The following QKI variants were observed in gnomAD, a reference collection of about 807,000 sequenced individuals.
QKI encodes QKI, KH domain containing RNA binding, also known as KH domain-containing RNA-binding protein QKI.
In QKI, 10 loss-of-function variants were observed where a neutral mutation model predicts 39.0. That is an observed-to-expected ratio of 0.26 (90% confidence interval 0.16 to 0.43). The LOEUF (loss-of-function observed/expected upper bound fraction) is 0.43, where lower values mean the gene tolerates loss of function less well. Among genes scored for constraint, QKI ranks in the 20% least tolerant of loss-of-function variants. The probability of loss-of-function intolerance (pLI) is 1.00; values close to 1 mark genes in which losing one functional copy is unlikely to be tolerated. For missense variants in QKI, 218 were observed against 428.0 expected (o/e 0.51, Z 4.33); for synonymous variants, 204 against 155.4 (o/e 1.31, Z -2.33).
intron 1 of QKI, among the ~76,000 whole-genome samples, chr6:163,415,671 G>A (rs1787395306): frequency 6.6e-6 from 1 of 151,850 alleles, no homozygotes; most frequent in Non-Finnish European, 1.5e-5. Flanking sequence ...GGGGCTGCGC[G>A]GACTCGGTGG....
At chr6:163,463,653 C>G (rs893346352) in intron 2 of QKI, among the ~76,000 whole-genome samples, 2 of 152,110 alleles carry the variant, frequency 1.3e-5, no homozygotes, top group Admixed American at 6.5e-5. Flanking sequence ...AAAACAAATT[C>G]ACGTGAGGAA....
intron 6 of QKI, chr6:163,566,501 T>C (rs1329777176): frequency 2.9e-6 from 4 of 1,370,372 alleles, no homozygotes; most frequent in South Asian, 3.1e-5. Context: ...ATGGATACAA[T>C]AGGTTAAGGC....
At chr6:163,473,786 C>A (rs554997900) in intron 2 of QKI, among the ~76,000 whole-genome samples, 53 of 152,148 alleles carry the variant, frequency 3.5e-4, no homozygotes, top group African/African-American at 1.2e-3. Context: ...ATATACAAGC[C>A]TATCTGGAGA....
chr6:163,479,402 C>T (rs567027154), intron 3 of QKI, among the ~76,000 whole-genome samples: 24 of 152,294 alleles, frequency 1.6e-4, no homozygotes, highest in Middle Eastern at 3.4e-3. Context: ...GACGGAGTCT[C>T]GCTATGTCAC....
intron 3 of QKI, among the ~76,000 whole-genome samples, chr6:163,515,673 A>G (rs1779746981): frequency 1.3e-5 from 2 of 152,188 alleles, no homozygotes; most frequent in Non-Finnish European, 2.9e-5. Flanking sequence ...TGTTACAACA[A>G]AAGGGAAACT....
intron 1 of QKI, among the ~76,000 whole-genome samples, chr6:163,451,929 G>A (rs1359575750): frequency 3.3e-5 from 5 of 152,138 alleles, no homozygotes; most frequent in South Asian, 2.1e-4. Context: ...CCTCCTGCTA[G>A]GATAACATTC....
intron 3 of QKI, among the ~76,000 whole-genome samples, chr6:163,491,418 C>G (rs1245018769): frequency 2.0e-5 from 3 of 152,138 alleles, no homozygotes; most frequent in Admixed American, 6.6e-5. Flanking sequence ...GGATTGTAAA[C>G]TAGCTCCCTG....
chr6:163,433,533 G>A (rs1562428258), intron 1 of QKI, among the ~76,000 whole-genome samples: 1 of 152,182 alleles, frequency 6.6e-6, no homozygotes, highest in Non-Finnish European at 1.5e-5. Context: ...TTGGGAGACC[G>A]AGGTGGGCAG....
At chr6:163,512,807 G>A (rs1399466094) in intron 3 of QKI, among the ~76,000 whole-genome samples, 1 of 152,068 alleles carries the variant, frequency 6.6e-6, no homozygotes. Flanking sequence ...TTTAATCATA[G>A]TGGAATCGAG....
chr6:163,498,976 C>T (rs747322594), intron 3 of QKI, among the ~76,000 whole-genome samples: 16 of 152,160 alleles, frequency 1.1e-4, no homozygotes, highest in Middle Eastern at 6.8e-3. Context: ...GATTCATGTG[C>T]ACATAGCCTG....
chr6:163,479,458 G>A (rs772157456), intron 3 of QKI, among the ~76,000 whole-genome samples: 12 of 152,042 alleles, frequency 7.9e-5, no homozygotes, highest in Non-Finnish European at 1.5e-4. Flanking sequence ...TGCAGCCTCC[G>A]CTTTCTGCAT....
intron 3 of QKI, among the ~76,000 whole-genome samples, chr6:163,519,915 G>A (rs964036627): frequency 1.3e-5 from 2 of 152,128 alleles, no homozygotes; most frequent in Non-Finnish European, 2.9e-5. Context: ...TAATTAAGGG[G>A]AAGTGGGCCA....
chr6:163,476,120 A>G (rs1363443047), intron 2 of QKI, among the ~76,000 whole-genome samples: 1 of 152,218 alleles, frequency 6.6e-6, no homozygotes, highest in Non-Finnish European at 1.5e-5. Flanking sequence ...GAGGAATGCT[A>G]ATTGAAACAT....
chr6:163,467,151 C>G (rs1261768477), intron 2 of QKI, among the ~76,000 whole-genome samples: 1 of 151,892 alleles, frequency 6.6e-6, no homozygotes, highest in Non-Finnish European at 1.5e-5. Flanking sequence ...AGGTGCTTAA[C>G]ATCACACACA....
chr6:163,505,589 C>T (rs528689336), intron 3 of QKI, among the ~76,000 whole-genome samples: 7 of 152,258 alleles, frequency 4.6e-5, no homozygotes, highest in African/African-American at 1.7e-4. Flanking sequence ...GGGTTTTGGA[C>T]TTGCATAGGG....
intron 2 of QKI, among the ~76,000 whole-genome samples, chr6:163,466,496 TA>T (rs1388561930): frequency 6.6e-6 from 1 of 152,106 alleles, no homozygotes; most frequent in African/African-American, 2.4e-5. Flanking sequence ...CAAATTATAT[TA>T]AAACAATTTG....
At chr6:163,497,826 A>G (rs991818468) in intron 3 of QKI, among the ~76,000 whole-genome samples, 1 of 151,802 alleles carries the variant, frequency 6.6e-6, no homozygotes, top group Non-Finnish European at 1.5e-5. Flanking sequence ...CTTCCAAAAC[A>G]TTCTGGTTGA....
chr6:163,565,696 C>T (rs1783321765), intron 6 of QKI: 1 of 1,159,254 alleles, frequency 8.6e-7, no homozygotes. Flanking sequence ...GCTTTGCCAC[C>T]TAAGCAGTAA....
intron 1 of QKI, among the ~76,000 whole-genome samples, chr6:163,418,864 TAAC>T (rs1393722531): frequency 8.5e-5 from 13 of 152,182 alleles, no homozygotes; most frequent in African/African-American, 2.7e-4. Context: ...CTATTAGACT[TAAC>T]AATCCTGTAT....
Sources: gnomAD v4.1 joint callset for allele counts (sites outside exome capture counted in the v4.1 genomes callset) on GRCh38, gnomAD v4.1.1 for gene constraint, MANE v1.5 for transcripts, NCBI Gene and HGNC (gene_info 2026-07-23, HGNC 2026-07-21) for gene names.